EYA4: variants seen among roughly 807,000 people sequenced by gnomAD.
EYA4 encodes the protein protein phosphatase EYA4.
EYA4 carries 31 observed loss-of-function variants against 87.9 expected under a neutral mutation model. The ratio of observed to expected loss-of-function variants is 0.35; its 90% CI spans 0.27 to 0.48. The LOEUF (loss-of-function observed/expected upper bound fraction) is 0.48. Ranked by LOEUF, EYA4 falls within the 20% of genes least tolerant of loss-of-function variation. EYA4 has a pLI of 0.99. For missense variants in EYA4, 678 were observed against 761.4 expected, an observed-to-expected ratio of 0.89 and a Z score of 1.29; for synonymous variants, 263 against 270.6, an observed-to-expected ratio of 0.97 and a Z score of 0.28.
chr6:133,334,348 G>A (rs1419663359), intron 2 of EYA4, among the ~76,000 whole-genome samples: 1 of 152,224 alleles, frequency 6.6e-6, no homozygotes. Context: ...CAAACCACTA[G>A]TGTTTTGGAA....
intron 1 of EYA4, among the ~76,000 whole-genome samples, chr6:133,269,237 C>T (rs920423896): frequency 3.3e-5 from 5 of 152,132 alleles, no homozygotes; most frequent in East Asian, 3.9e-4. Context: ...ACAACCTGGG[C>T]GACAGAGCAG....
At chr6:133,424,536 G>T (rs1161155452) in intron 3 of EYA4, among the ~76,000 whole-genome samples, 1 of 152,114 alleles carries the variant, frequency 6.6e-6, no homozygotes. Context: ...TAAGGATGGG[G>T]GTCCTTCCTG....
intron 5 of EYA4, among the ~76,000 whole-genome samples, chr6:133,450,280 C>T (rs534153270): frequency 7.2e-5 from 11 of 152,208 alleles, no homozygotes; most frequent in African/African-American, 2.4e-4. Context: ...GCACCGTGCC[C>T]GGCCAAATTT....
chr6:133,291,805 T>C (rs1195988273), intron 2 of EYA4, among the ~76,000 whole-genome samples: 1 of 152,194 alleles, frequency 6.6e-6, no homozygotes, highest in African/African-American at 2.4e-5. Flanking sequence ...CTTTCTTCTG[T>C]GATTTGCATA....
At chr6:133,282,572 T>C (rs1377946402) in intron 2 of EYA4, among the ~76,000 whole-genome samples, 1 of 138,576 alleles carries the variant, frequency 7.2e-6, no homozygotes, top group Admixed American at 7.4e-5. Flanking sequence ...AGAATATATA[T>C]GACACATATG....
chr6:133,401,932 G>T (rs1184149909), intron 3 of EYA4, among the ~76,000 whole-genome samples: 2 of 152,114 alleles, frequency 1.3e-5, no homozygotes, highest in Non-Finnish European at 2.9e-5. Flanking sequence ...GGGAAAAGAT[G>T]ATAGCAACAG....
At chr6:133,403,473 C>T (rs1380874331) in intron 3 of EYA4, among the ~76,000 whole-genome samples, 1 of 152,098 alleles carries the variant, frequency 6.6e-6, no homozygotes, top group Non-Finnish European at 1.5e-5. Flanking sequence ...CCTGCTTTAA[C>T]CACAGGGGGA....
chr6:133,344,355 T>C (rs1309350339), intron 2 of EYA4, among the ~76,000 whole-genome samples: 5 of 152,250 alleles, frequency 3.3e-5, no homozygotes, highest in Non-Finnish European at 5.9e-5. Flanking sequence ...TGAAAATATT[T>C]CTGGTGTCTC....
intron 1 of EYA4, among the ~76,000 whole-genome samples, chr6:133,268,954 C>A (rs992715982): frequency 6.6e-6 from 1 of 152,066 alleles, no homozygotes; most frequent in Non-Finnish European, 1.5e-5. Context: ...TACTTATACT[C>A]CTGAATTCAA....
intron 14 of EYA4, 100 bp downstream of exon 14, chr6:133,506,295 T>C: frequency 1.4e-6 from 1 of 710,864 alleles, no homozygotes; most frequent in Non-Finnish European, 2.5e-6. Flanking sequence ...AAGATAAAAA[T>C]TCAGCTCAAG....
chr6:133,493,070 C>T (rs1797327031), intron 13 of EYA4, among the ~76,000 whole-genome samples: 1 of 152,060 alleles, frequency 6.6e-6, no homozygotes, highest in Non-Finnish European at 1.5e-5. Flanking sequence ...CAAAATACTA[C>T]TGACATTCTT....
At chr6:133,247,919 G>A (rs763749357) in intron 1 of EYA4, 10 of 152,028 alleles carry the variant, frequency 6.6e-5, no homozygotes, top group East Asian at 1.9e-4. Context: ...GCCCTAACAT[G>A]TTCATGTGGC....
chr6:133,428,583 A>G (rs900995155), intron 3 of EYA4, among the ~76,000 whole-genome samples: 4 of 152,214 alleles, frequency 2.6e-5, no homozygotes, highest in African/African-American at 9.6e-5. Context: ...GAGCTCAATA[A>G]CTTCATCAAG....
At chr6:133,290,427 T>C (rs1055680610) in intron 2 of EYA4, among the ~76,000 whole-genome samples, 1 of 152,220 alleles carries the variant, frequency 6.6e-6, no homozygotes, top group Non-Finnish European at 1.5e-5. Context: ...TTTTCTTTGA[T>C]TTACAGTCTG....
chr6:133,282,014 C>T (rs1440504691), intron 2 of EYA4, among the ~76,000 whole-genome samples: 1 of 151,978 alleles, frequency 6.6e-6, no homozygotes, highest in Non-Finnish European at 1.5e-5. Flanking sequence ...TTATCCATTC[C>T]ATTGTTGTGG....
intron 13 of EYA4, among the ~76,000 whole-genome samples, chr6:133,489,886 T>A (rs956048038): frequency 6.6e-5 from 10 of 152,204 alleles, no homozygotes; most frequent in African/African-American, 2.4e-4. Flanking sequence ...GTAATTGTGG[T>A]ATGTAAGCTA....
intron 1 of EYA4, among the ~76,000 whole-genome samples, chr6:133,270,696 T>C (rs1776619137): frequency 6.6e-6 from 1 of 152,182 alleles, no homozygotes; most frequent in Admixed American, 6.5e-5. Context: ...CCATTTCTAG[T>C]CCTGCCTGGA....
intron 2 of EYA4, among the ~76,000 whole-genome samples, chr6:133,373,276 G>A (rs1031154388): frequency 6.6e-6 from 1 of 151,996 alleles, no homozygotes; most frequent in Non-Finnish European, 1.5e-5. Flanking sequence ...GTGCTTGGCA[G>A]ATCTTGATAA....
intron 1 of EYA4, among the ~76,000 whole-genome samples, chr6:133,265,549 A>T (rs181159476): frequency 4.6e-5 from 7 of 152,282 alleles, no homozygotes; most frequent in Admixed American, 3.3e-4. Flanking sequence ...CATAACAACC[A>T]TTGCTAAATT....
Sources: gnomAD v4.1 joint callset for allele counts (sites outside exome capture counted in the v4.1 genomes callset) on GRCh38, gnomAD v4.1.1 for gene constraint, MANE v1.5 for transcripts, NCBI Gene and HGNC (gene_info 2026-07-23, HGNC 2026-07-21) for gene names.